Variants in C16orf74 observed in about 807,000 individuals in gnomAD.
The protein encoded by C16orf74 is uncharacterized protein C16orf74.
A neutral mutation model predicts 6.5 loss-of-function variants in C16orf74; 10 were observed. The ratio of observed to expected loss-of-function variants is 1.54; its 90% CI spans 0.95 to 2.61. The LOEUF is 2.61. C16orf74 is among the 30% of genes most tolerant of loss of function. The pLI is 0.00. For synonymous variants in C16orf74, 60 were observed against 42.5 expected (o/e 1.41, Z -1.60); for missense variants, 141 against 105.9 (o/e 1.33, Z -1.45).
chr16:85,731,497 A>C lies in C16orf74; in HGVS notation c.28+3693T>G, dbSNP rs546514410. 2.6e-5 allele frequency among the ~76,000 whole-genome samples: 4 copies of C among 152,280 alleles called. No homozygotes were observed. The South Asian group carries it at 8.3e-4, about 32-fold the overall frequency. On this transcript the variant is annotated intron_variant, in intron 2 of 3. Transcript: ENST00000284245. ...AGTCCCTGGGCCAGGCTGCGGGGCT[A>C]GAGCAGAGGGGCAGAGGGCCTGGGT...
At chr16:85,747,931 C>CA (rs1046511364) in intron 1 of C16orf74, among the ~76,000 whole-genome samples, 7 of 151,632 alleles carry the variant, frequency 4.6e-5, no homozygotes, top group Non-Finnish European at 1.0e-4. Context: ...ACTAAAAATA[C>CA]AAAAAAATTA....
intron 2 of C16orf74, among the ~76,000 whole-genome samples, chr16:85,715,631 G>A (rs938519295): frequency 2.0e-5 from 3 of 152,204 alleles, no homozygotes; most frequent in Admixed American, 6.5e-5. Flanking sequence ...CGTAGACAAC[G>A]TGGAAATGAA....
intron 1 of C16orf74, chr16:85,743,410 A>C (rs2054331924): frequency 6.6e-6 from 1 of 152,174 alleles, no homozygotes; most frequent in African/African-American, 2.4e-5. Context: ...CCTAAGAGAT[A>C]AACATTATCA....
chr16:85,733,439 G>C (rs2054211814), intron 2 of C16orf74, among the ~76,000 whole-genome samples: 1 of 152,220 alleles, frequency 6.6e-6, no homozygotes, highest in Non-Finnish European at 1.5e-5. Context: ...GTTTCAGTTG[G>C]AGATGATGAA....
intron 2 of C16orf74, among the ~76,000 whole-genome samples, chr16:85,732,538 C>T (rs911576766): frequency 4.6e-5 from 7 of 151,858 alleles, no homozygotes; most frequent in East Asian, 3.9e-4. Flanking sequence ...TGGTGGCACA[C>T]GCCTGTAATC....
At chr16:85,709,890 G>A (rs2053950703) in intron 3 of C16orf74, among the ~76,000 whole-genome samples, 1 of 151,320 alleles carries the variant, frequency 6.6e-6, no homozygotes. Flanking sequence ...CGGAGCCGCG[G>A]CGTGGCGGGC....
intron 1 of C16orf74, among the ~76,000 whole-genome samples, chr16:85,738,326 A>ATTT (rs368313117): frequency 0.012 from 1,587 of 135,674 alleles, 26 homozygotes; most frequent in Non-Finnish European, 0.018. Flanking sequence ...TGGCATTGGG[A>ATTT]TTTTTTTTTT....
At chr16:85,720,867 C>A (rs1322958508) in intron 2 of C16orf74, among the ~76,000 whole-genome samples, 1 of 151,340 alleles carries the variant, frequency 6.6e-6, no homozygotes, top group Admixed American at 6.6e-5. Context: ...GCGGGTGGAT[C>A]ACTTGAGGGC....
chr16:85,729,358 G>C (rs1335201849), intron 2 of C16orf74, among the ~76,000 whole-genome samples: 1 of 152,226 alleles, frequency 6.6e-6, no homozygotes, highest in Non-Finnish European at 1.5e-5. Context: ...ACCATGGCCA[G>C]GCCCTTGAGC....
chr16:85,715,106 G>A (rs1271587981), intron 2 of C16orf74, among the ~76,000 whole-genome samples: 8 of 149,876 alleles, frequency 5.3e-5, no homozygotes, highest in Non-Finnish European at 7.4e-5. Context: ...GCAGTGAGCC[G>A]AGATCACGCC....
At chr16:85,742,480 C>G (rs969573297) in intron 1 of C16orf74, among the ~76,000 whole-genome samples, 2 of 152,202 alleles carry the variant, frequency 1.3e-5, no homozygotes, top group African/African-American at 4.8e-5. Flanking sequence ...GTGGAAGCAG[C>G]CTGAGGCCCT....
chr16:85,711,308 T>C lies in C16orf74; in HGVS notation c.29-1001A>G, dbSNP rs1414722217. 2.8e-3 allele frequency among the ~76,000 whole-genome samples: 266 copies of C among 95,592 alleles called. 1 individual carries two copies. The highest frequency in any genetic ancestry group is 0.011 in the African/African-American group (259 of 22,788). The allele number at this position is 95,592 out of a possible 152,430, so 62.7% of individuals were successfully genotyped here. A position where few individuals can be genotyped will look rare whatever the true frequency, so the allele number is the denominator to read the frequency against. ...TTCAGCCTAAATGACAGAGTAAGACTCCATCTTAAAAAAAAAAAAAAAAAG... is the reference window on the plus strand; with the variant it reads ...TTCAGCCTAAATGACAGAGTAAGACCCCATCTTAAAAAAAAAAAAAAAAAG... On this transcript the variant is annotated intron_variant, in intron 2 of 3. Coordinates refer to ENST00000284245, the MANE Select transcript of C16orf74 (RefSeq NM_206967.3).
chr16:85,742,607 T>A (rs887188738), intron 1 of C16orf74, among the ~76,000 whole-genome samples: 1 of 152,092 alleles, frequency 6.6e-6, no homozygotes, highest in African/African-American at 2.4e-5. Context: ...AATGGTGCGA[T>A]CTCGGCTCAC....
At chr16:85,735,984 A>T (rs2054240324) in intron 1 of C16orf74, among the ~76,000 whole-genome samples, 1 of 152,158 alleles carries the variant, frequency 6.6e-6, no homozygotes, top group Admixed American at 6.5e-5. Context: ...CACCTGCCCA[A>T]GGCTACCAGC....
At chr16:85,725,067 G>T (rs1037809962) in intron 2 of C16orf74, among the ~76,000 whole-genome samples, 20 of 63,834 alleles carry the variant, frequency 3.1e-4, no homozygotes, top group South Asian at 7.9e-4. Flanking sequence ...GTGACTGATG[G>T]GGGGGGGACC....
intron 2 of C16orf74, among the ~76,000 whole-genome samples, chr16:85,714,409 T>A (rs1459886765): frequency 7.1e-5 from 3 of 42,352 alleles, no homozygotes; most frequent in African/African-American, 1.5e-4. Context: ...TTATTATTTA[T>A]TTATTTATTT....
At chr16:85,728,519 G>A (rs528920121) in intron 2 of C16orf74, among the ~76,000 whole-genome samples, 33 of 152,122 alleles carry the variant, frequency 2.2e-4, no homozygotes, top group African/African-American at 6.7e-4. Context: ...TGGAGCTGAC[G>A]CCCACCCCGC....
intron 2 of C16orf74, among the ~76,000 whole-genome samples, chr16:85,721,727 G>T (rs1343383172): frequency 1.3e-5 from 2 of 152,314 alleles, no homozygotes; most frequent in Non-Finnish European, 2.9e-5. Context: ...GGGCATTTCA[G>T]GGCTGGCGCT....
At chr16:85,746,259 A>T (rs1004918891) in intron 1 of C16orf74, among the ~76,000 whole-genome samples, 2 of 152,304 alleles carry the variant, frequency 1.3e-5, no homozygotes, top group Non-Finnish European at 2.9e-5. Flanking sequence ...CCGAGGCAGG[A>T]GAATCGCTTG....
Sources: allele counts gnomAD v4.1 joint callset (sites outside exome capture counted in the v4.1 genomes callset), GRCh38; gene constraint gnomAD v4.1.1; transcripts MANE v1.5; gene names NCBI Gene and HGNC (gene_info 2026-07-23, HGNC 2026-07-21).